CCDC88A: variants seen among roughly 807,000 people sequenced by gnomAD.
CCDC88A encodes the protein girdin.
A neutral mutation model predicts 234.3 loss-of-function variants in CCDC88A; 54 were observed. The observed-to-expected ratio is 0.23, with a 90% CI of 0.19 to 0.29. The LOEUF is 0.29. CCDC88A is among the 10% of genes least tolerant of loss of function. The pLI, the probability that CCDC88A is intolerant of heterozygous loss-of-function variation, is 1.00. For synonymous variants in CCDC88A, 753 were observed against 737.8 expected (o/e 1.02, Z -0.33); for missense variants, 1,832 against 2,123.4 (o/e 0.86, Z 2.70).
chr2:55,318,379 T>C (rs1683219993), intron 19 of CCDC88A, among the ~76,000 whole-genome samples: 1 of 151,984 alleles, frequency 6.6e-6, no homozygotes. Context: ...CTTTCAGAGT[T>C]GAACTTTTCC....
At position 55,289,390 on chromosome 2, in the gene CCDC88A, A is replaced by G. The variant is rs1339242107; in HGVS notation, c.*1810T>C. ...ATGAATGTACATTTTTTGACATGCA[A>G]TTGTCTCTAGACTGCTCTGATACCT... On this transcript the variant is annotated 3_prime_UTR_variant, in exon 33 of 33. Transcript: ENST00000436346. The G allele has an allele frequency of 6.6e-6, 1 of 152,538 alleles. No individual in the cohort carries two copies. Among genetic ancestry groups the G allele is most frequent in the African/African-American group, 2.4e-5 (1 of 41,436 alleles). 9.4% of individuals were successfully genotyped at this position (152,538 alleles called of 1,614,324 possible).
rs536833865 is a variant in CCDC88A at position 55,390,941 on chromosome 2, AC to A, written c.165-2056del. ...GAATGCCTGAGGCCAGGTATTCAAG[AC>A]CAGCCTGGGCAATATGGTGGAAGCC... On this transcript the variant is annotated intron_variant, in intron 2 of 32. Coordinates refer to ENST00000436346, the MANE Select transcript of CCDC88A (RefSeq NM_001365480.1). 1.9e-4 allele frequency among the ~76,000 whole-genome samples: 29 copies of A among 152,350 alleles called. No individual in the cohort carries two copies. In the South Asian group the frequency reaches 6.0e-3, roughly 32 times the overall value.
Position 55,334,176 on chromosome 2 carries a change from C to A in CCDC88A, c.2645G>T (p.Arg882Leu), listed in dbSNP as rs759199436. ...EIGIYKESCV[R>L]LKELEKENKE... is the part of the protein sequence containing the mutation. ...ATTTTCTTTTTCTAGTTCTTTCAGA[C>A]GGACACAAGATTCTTTATATATACC... The change falls in exon 15 of 33, where the codon CGT becomes CTT. Residue 882 changes from arginine (R) to leucine (L), a missense_variant. This residue lies in a region of CCDC88A where 1,282 missense variants were observed against 1,543.6 expected (regional missense o/e 0.83). Coordinates refer to ENST00000436346, the MANE Select transcript of CCDC88A (RefSeq NM_001365480.1). The surrounding 1 kb of genome is among the most constrained non-coding windows in gnomAD (Gnocchi z 6.1). 9 of 1,373,082 alleles carry A rather than the reference C, an allele frequency of 6.6e-6. No individual in the cohort carries two copies. The highest frequency in any genetic ancestry group is 1.5e-5 in the African/African-American group (1 of 66,948). The allele number at this position is 1,373,082 out of a possible 1,614,324, so 85.1% of individuals were successfully genotyped here. A position where few individuals can be genotyped will look rare whatever the true frequency, so the allele number is the denominator to read the frequency against.
intron 26 of CCDC88A, 46 bp downstream of exon 26, chr2:55,303,023 G>T: frequency 8.6e-7 from 1 of 1,168,666 alleles, no homozygotes; most frequent in Non-Finnish European, 1.3e-6. Flanking sequence ...AGTAATGAAA[G>T]CCAGTGTAGT....
At position 55,334,627 on chromosome 2, in the gene CCDC88A, T is replaced by G; in HGVS notation, c.2194A>C (p.Ser732Arg). 1.2e-6 allele frequency: 2 copies of G among 1,613,746 alleles called. No homozygotes were observed. Among genetic ancestry groups the G allele is most frequent in the Non-Finnish European group, 1.7e-6 (2 of 1,179,866 alleles). ...CCCTTCTTAAGTTGCTCTTTTTCAC[T>G]TTCCAGTTCTTTGTTTTCTAGCTGT... ...QLQLENKELE[S>R]EKEQLKKGLE... The change falls in exon 15 of 33, where the codon AGT becomes CGT. Residue 732 changes from serine (S) to arginine (R), a missense_variant. Ser to Arg is a moderately radical substitution (Grantham distance 110, BLOSUM62 -1). Around this residue, in one of 6 missense-constraint regions of CCDC88A, gnomAD observed 1,282 missense variants for 1,543.6 expected, o/e 0.83. Coordinates refer to ENST00000436346, the MANE Select transcript of CCDC88A (RefSeq NM_001365480.1). This position sits in a 1 kb window ranked among gnomAD's most constrained non-coding sequence, Gnocchi z 6.1.
intron 31 of CCDC88A, chr2:55,292,920 G>C (rs1679594916): frequency 6.6e-6 from 1 of 152,066 alleles, no homozygotes; most frequent in Admixed American, 6.6e-5. Context: ...CTCCACAGCA[G>C]GTGATGATTT....
intron 2 of CCDC88A, among the ~76,000 whole-genome samples, chr2:55,415,626 GCAGAGTACTTAA>G (rs374296500): frequency 3.1e-4 from 47 of 152,256 alleles, no homozygotes; most frequent in African/African-American, 1.1e-3. Context: ...AGTACACAGG[GCAGAGTACTTAA>G]CAGAGTTGAA....
Position 55,321,152 on chromosome 2 carries a change from A to T in CCDC88A, c.3162+1376T>A, listed in dbSNP as rs1683585726. On this transcript the variant is annotated intron_variant, in intron 18 of 32. Coordinates refer to ENST00000436346, the MANE Select transcript of CCDC88A (RefSeq NM_001365480.1). The stretch of plus-strand genomic sequence containing the variant: ...AAAAAAGATAATAGATGGGATTTTT[A>T]AAGACTAGTAGAAAAAATCAATTAA... 4 of 152,042 alleles carry T rather than the reference A, an allele frequency of 2.6e-5. No homozygotes were observed. The South Asian group carries it at 8.3e-4, about 32-fold the overall frequency. The allele number at this position is 152,042 out of a possible 1,614,324, so 9.4% of individuals were successfully genotyped here. A position where few individuals can be genotyped will look rare whatever the true frequency, so the allele number is the denominator to read the frequency against.
At chr2:55,397,058 C>T (rs1166083142) in intron 2 of CCDC88A, among the ~76,000 whole-genome samples, 1 of 151,778 alleles carries the variant, frequency 6.6e-6, no homozygotes, top group African/African-American at 2.4e-5. Flanking sequence ...TTATTATAAA[C>T]CTGGATATTT....
chr2:55,317,760 C>A lies in CCDC88A; in HGVS notation c.3406G>T (p.Glu1136Ter). The change falls in exon 20 of 33, where the codon GAA becomes TAA. Residue 1136 changes from glutamate to a stop codon, truncating the protein, a stop_gained. Transcript: ENST00000436346. LOFTEE classifies it high-confidence loss of function. This position sits in a 1 kb window ranked among gnomAD's most constrained non-coding sequence, Gnocchi z 4.2. ...AQLLIQQSSL[E>*]NENESVIKER... ...TTGATTACAGATTCATTTTCATTTT[C>A]TAAGGAAGACTGCTGGATTAGGAGT... 6.2e-7 allele frequency: 1 copy of A among 1,613,268 alleles called. No homozygotes were observed. The highest frequency in any genetic ancestry group is 8.5e-7 in the Non-Finnish European group (1 of 1,179,446).
chr2:55,400,623 TGCAAC>T (rs1253248264), intron 2 of CCDC88A, among the ~76,000 whole-genome samples: 1 of 152,250 alleles, frequency 6.6e-6, no homozygotes, highest in Non-Finnish European at 1.5e-5. Flanking sequence ...TTAGCAATTT[TGCAAC>T]GCTAATACTC....
chr2:55,410,596 T>C (rs568475941), intron 2 of CCDC88A, among the ~76,000 whole-genome samples: 3 of 152,222 alleles, frequency 2.0e-5, no homozygotes, highest in Non-Finnish European at 2.9e-5. Context: ...TATTAATTAT[T>C]AAAGTAGGCC....
At chr2:55,404,648 A>G (rs1223733241) in intron 2 of CCDC88A, 2 of 152,252 alleles carry the variant, frequency 1.3e-5, no homozygotes, top group African/African-American at 4.8e-5. Context: ...AGGAATTATT[A>G]ATAGTCAAGT....
At chr2:55,307,440 C>T (rs1262258357) in intron 25 of CCDC88A, among the ~76,000 whole-genome samples, 1 of 148,580 alleles carries the variant, frequency 6.7e-6, no homozygotes, top group Non-Finnish European at 1.5e-5. Context: ...GCCTCAGCCT[C>T]TGCCTCCCAG....
At chr2:55,386,094 G>A (rs1412534557) in intron 3 of CCDC88A, among the ~76,000 whole-genome samples, 1 of 151,700 alleles carries the variant, frequency 6.6e-6, no homozygotes, top group Non-Finnish European at 1.5e-5. Flanking sequence ...GTGGTGGCAT[G>A]TACCTGTAAT....
intron 10 of CCDC88A, chr2:55,345,403 T>A (rs1668977851): frequency 6.6e-6 from 1 of 152,030 alleles, no homozygotes; most frequent in African/African-American, 2.4e-5. Flanking sequence ...GCCAAATTCT[T>A]TTTTTTTGTT....
chr2:55,414,173 C>T (rs1430280020), intron 2 of CCDC88A, among the ~76,000 whole-genome samples: 1 of 152,096 alleles, frequency 6.6e-6, no homozygotes, highest in African/African-American at 2.4e-5. Context: ...ACAATTTTCT[C>T]AGTACTTAAA....
At chr2:55,382,397 T>C (rs1019727284) in intron 3 of CCDC88A, among the ~76,000 whole-genome samples, 3 of 152,214 alleles carry the variant, frequency 2.0e-5, no homozygotes, top group African/African-American at 4.8e-5. Context: ...CAGCCTCAAA[T>C]GGTTCAGAGC....
intron 2 of CCDC88A, among the ~76,000 whole-genome samples, chr2:55,410,892 C>CAAAAAAAAAAAAAAAAATAAAA (rs71924495): frequency 7.6e-6 from 1 of 131,934 alleles, no homozygotes; most frequent in Non-Finnish European, 1.6e-5. Context: ...GGCCTTGTCT[C>CAAAAAAAAAAAAAAAAATAAAA]AAAAAAAAAA....
Sources: allele counts gnomAD v4.1 joint callset (sites outside exome capture counted in the v4.1 genomes callset), GRCh38; gene constraint gnomAD v4.1.1; regional missense constraint gnomAD v4.1.1; non-coding constraint Gnocchi (gnomAD v3.1); transcripts MANE v1.5; gene names NCBI Gene and HGNC (gene_info 2026-07-23, HGNC 2026-07-21).